RNF38: variants seen among roughly 807,000 people sequenced by gnomAD.
RNF38 encodes the protein E3 ubiquitin-protein ligase RNF38.
A neutral mutation model predicts 67.2 loss-of-function variants in RNF38; 15 were observed. That is an observed-to-expected ratio of 0.22 (90% CI 0.15 to 0.34). The LOEUF is 0.34. Among genes scored for constraint, RNF38 ranks in the 10% least tolerant of loss-of-function variants. The pLI is 1.00. For synonymous variants in RNF38, 220 were observed against 218.8 expected (o/e 1.01, Z -0.05); for missense variants, 524 against 639.9 (o/e 0.82, Z 1.95).
chr9:36,437,567 A>G (rs1839098799), intron 1 of RNF38, among the ~76,000 whole-genome samples: 3 of 151,850 alleles, frequency 2.0e-5, no homozygotes, highest in Middle Eastern at 6.8e-3. Flanking sequence ...AAAAAAAAAA[A>G]AAAAAGAAGA....
At chr9:36,343,820 C>T (rs577233302) in intron 10 of RNF38, among the ~76,000 whole-genome samples, 3 of 152,066 alleles carry the variant, frequency 2.0e-5, no homozygotes, top group Non-Finnish European at 4.4e-5. Context: ...TGTATGACCC[C>T]ATTTATGTGT....
chr9:36,466,996 T>G (rs981411217), intron 1 of RNF38, among the ~76,000 whole-genome samples: 1 of 147,472 alleles, frequency 6.8e-6, no homozygotes, highest in Non-Finnish European at 1.5e-5. Flanking sequence ...CTGGTCAACA[T>G]GGCGAAACCC....
chr9:36,385,054 T>C (rs1046262352), intron 2 of RNF38, among the ~76,000 whole-genome samples: 1 of 152,200 alleles, frequency 6.6e-6, no homozygotes, highest in Non-Finnish European at 1.5e-5. Context: ...CAACATGAAT[T>C]GTTCTATGCT....
chr9:36,416,612 C>T (rs1168528759), intron 2 of RNF38, among the ~76,000 whole-genome samples: 1 of 152,128 alleles, frequency 6.6e-6, no homozygotes, highest in Non-Finnish European at 1.5e-5. Context: ...TGTAAGTTTT[C>T]TTCTCCCTGT....
In RNF38 at chr9:36,372,436, A is replaced by C. The variant is rs1481712430; in HGVS notation, c.357-2504T>G. The stretch of plus-strand genomic sequence containing the variant: ...CACAGTTCTTTGTTTTATTGCATTT[A>C]TTAATAGTATCCCTCTTTCACTTCA... On this transcript the variant is annotated intron_variant, in intron 3 of 11. Transcript: ENST00000259605. 6.3e-6 allele frequency: 4 copies of C among 631,412 alleles called. No individual in the cohort carries two copies. The African/African-American group carries it at 7.4e-5, about 12-fold the overall frequency. The allele number at this position is 631,412 out of a possible 1,614,324, so 39.1% of individuals were successfully genotyped here. A position where few individuals can be genotyped will look rare whatever the true frequency, so the allele number is the denominator to read the frequency against.
At chr9:36,410,248 T>G (rs1179752225) in intron 2 of RNF38, among the ~76,000 whole-genome samples, 1 of 152,248 alleles carries the variant, frequency 6.6e-6, no homozygotes, top group Non-Finnish European at 1.5e-5. Flanking sequence ...AATATCTGAA[T>G]GGAGACAGAT....
chr9:36,400,217 A>T lies in RNF38; in HGVS notation c.-109T>A. 6.6e-7 allele frequency: 1 copy of T among 1,504,140 alleles called. No individual in the cohort carries two copies. The highest frequency in any genetic ancestry group is 8.9e-7 in the Non-Finnish European group (1 of 1,128,060). 93.2% of individuals were successfully genotyped at this position (1,504,140 alleles called of 1,614,324 possible). A position where few individuals can be genotyped will look rare whatever the true frequency, so the allele number is the denominator to read the frequency against. ...TTCAACCCTGAAAGGAAGAACTTGC[A>T]TCCCCTGAGAACAAAACGCAGCCTA... On this transcript the variant is annotated 5_prime_UTR_variant, in exon 1 of 12. An upstream start codon of the reference 5' UTR is lost. Coordinates refer to ENST00000259605, the MANE Select transcript of RNF38 (RefSeq NM_022781.5).
upstream of RNF38, among the ~76,000 whole-genome samples, chr9:36,402,850 CTTTTT>C (rs905928610): frequency 1.3e-5 from 2 of 150,346 alleles, no homozygotes; most frequent in East Asian, 3.9e-4. Context: ...ATTTCTTCTT[CTTTTT>C]TTATTTTTTT....
chr9:36,441,550 C>T (rs1294590425), intron 1 of RNF38, among the ~76,000 whole-genome samples: 1 of 152,110 alleles, frequency 6.6e-6, no homozygotes, highest in Admixed American at 6.5e-5. Context: ...GTCTTGAACT[C>T]CTGACCTCGT....
At chr9:36,344,783 T>C in intron 10 of RNF38, 49 bp downstream of exon 10, 1 of 1,576,336 alleles carries the variant, frequency 6.3e-7, no homozygotes, top group Non-Finnish European at 8.7e-7. Context: ...TTTTATTTCA[T>C]AAAGGTAGAA....
At chr9:36,478,017 A>G (rs1270937072) in intron 1 of RNF38, among the ~76,000 whole-genome samples, 2 of 121,664 alleles carry the variant, frequency 1.6e-5, no homozygotes, top group Non-Finnish European at 3.5e-5. Context: ...AAACAAACAA[A>G]CAGAAAACAG....
intron 1 of RNF38, among the ~76,000 whole-genome samples, chr9:36,435,716 G>A (rs1433511517): frequency 4.0e-5 from 6 of 150,362 alleles, no homozygotes; most frequent in Admixed American, 1.3e-4. Flanking sequence ...TGCAAGCTCC[G>A]CCTCCCGGGT....
At chr9:36,372,844 C>T (rs940805969) in intron 3 of RNF38, among the ~76,000 whole-genome samples, 9 of 152,290 alleles carry the variant, frequency 5.9e-5, no homozygotes, top group African/African-American at 2.2e-4. Flanking sequence ...CCTAGACTTA[C>T]ATCCTAATGA....
In RNF38 at chr9:36,412,973, G is replaced by A. The variant is rs140322384; in HGVS notation, n.312+11640C>T. ...TATAGTCCCAGCTACTCAGGAGGCT[G>A]AAGCAGGAGAATCGCTTGAACCCAA... On this transcript the variant is annotated intron_variant and non_coding_transcript_variant, in intron 2 of 3. Coordinates refer to the RNF38 transcript ENST00000488058. Among the ~76,000 whole-genome samples, 420 of 152,274 alleles carry A rather than the reference G, an allele frequency of 2.8e-3. 2 individuals carry two copies. Among genetic ancestry groups the A allele is most frequent in the African/African-American group, 8.8e-3 (366 of 41,560 alleles).
At chr9:36,402,345 T>G (rs1040967277), upstream of RNF38, among the ~76,000 whole-genome samples, 15 of 152,146 alleles carry the variant, frequency 9.9e-5, no homozygotes, top group African/African-American at 2.9e-4. Flanking sequence ...TTGTTTTTTT[T>G]GTTTGTTTGT....
At chr9:36,427,398 G>A (rs1316792404) in intron 1 of RNF38, among the ~76,000 whole-genome samples, 1 of 152,100 alleles carries the variant, frequency 6.6e-6, no homozygotes, top group Non-Finnish European at 1.5e-5. Flanking sequence ...TGTACAAGCT[G>A]CTTAGCCCTT....
intron 1 of RNF38, among the ~76,000 whole-genome samples, chr9:36,476,023 A>AAAAG (rs1175637525): frequency 2.6e-5 from 4 of 151,830 alleles, no homozygotes; most frequent in Non-Finnish European, 5.9e-5. Context: ...AAAAAAAAAA[A>AAAAG]AAAGAAAGAA....
chr9:36,459,793 G>GT (rs1839684358), intron 1 of RNF38, among the ~76,000 whole-genome samples: 1 of 151,764 alleles, frequency 6.6e-6, no homozygotes, highest in Admixed American at 6.6e-5. Flanking sequence ...CTACTGTCAT[G>GT]TACAATACTG....
At chr9:36,426,604 T>C (rs1838778031) in intron 1 of RNF38, among the ~76,000 whole-genome samples, 1 of 152,224 alleles carries the variant, frequency 6.6e-6, no homozygotes, top group Non-Finnish European at 1.5e-5. Context: ...TTTATAAGTT[T>C]TTGTGTGAAC....
Sources: gnomAD v4.1 joint callset for allele counts (sites outside exome capture counted in the v4.1 genomes callset) on GRCh38, gnomAD v4.1.1 for gene constraint, MANE v1.5 for transcripts, NCBI Gene and HGNC (gene_info 2026-07-23, HGNC 2026-07-21) for gene names.